Variants in SYNE1 observed in about 807,000 individuals in gnomAD.
SYNE1 encodes nesprin-1.
SYNE1 carries 616 observed loss-of-function variants against 1,111.0 expected under a neutral mutation model. That is an observed-to-expected ratio of 0.55 (90% CI 0.52 to 0.59). The LOEUF is 0.59. Among genes scored for constraint, SYNE1 ranks in the 20% least tolerant of loss-of-function variants. The probability of loss-of-function intolerance (pLI) is 0.00; values close to 1 mark genes in which losing one functional copy is unlikely to be tolerated. For missense variants in SYNE1, 10,006 were observed against 10,417.0 expected, an observed-to-expected ratio of 0.96 and a Z score of 1.72; for synonymous variants, 3,855 against 3,825.8, an observed-to-expected ratio of 1.01 and a Z score of -0.28.
intron 6 of SYNE1, among the ~76,000 whole-genome samples, chr6:152,518,198 G>A (rs1000409004): frequency 2.7e-5 from 4 of 149,816 alleles, no homozygotes; most frequent in African/African-American, 9.9e-5. Context: ...TTCTCACAGG[G>A]GCATGGGTTA....
chr6:152,613,965 C>T (rs1190776026), intron 3 of SYNE1, among the ~76,000 whole-genome samples: 2 of 152,196 alleles, frequency 1.3e-5, no homozygotes, highest in African/African-American at 4.8e-5. Context: ...CCCCTCCTTA[C>T]ACCTTATACA....
intron 8 of SYNE1, among the ~76,000 whole-genome samples, chr6:152,509,554 G>A (rs1594291374): frequency 3.3e-5 from 5 of 152,124 alleles, no homozygotes; most frequent in Admixed American, 3.3e-4. Context: ...ACTGCGTCTG[G>A]CTGAGAGCAG....
In SYNE1 at chr6:152,233,801, C is replaced by T. The variant is rs769943110; in HGVS notation, c.20692G>A (p.Val6898Ile). 72 of 1,614,166 alleles carry T rather than the reference C, an allele frequency of 4.5e-5. No individual in the cohort carries two copies. Among genetic ancestry groups the T allele is most frequent in the African/African-American group, 9.3e-5 (7 of 75,044 alleles). Residue 6898 changes from valine to isoleucine, a missense_variant, in exon 112 of 146, where the codon GTC (valine) becomes ATC (isoleucine). This residue lies in a region of SYNE1 where 2,182 missense variants were observed against 2,287.8 expected (regional missense o/e 0.95). Coordinates refer to ENST00000367255, the MANE Select transcript of SYNE1 (RefSeq NM_182961.4). ...TGTACCTGGTGGAGCTTCTCCTGGA[C>T]GGCTGGGATATTGGTTAGCAGGTCA... ...WTDLLTNIPAVQEKLHQLQMD... is the reference protein window; with the variant it reads ...WTDLLTNIPAIQEKLHQLQMD...
intron 104 of SYNE1, among the ~76,000 whole-genome samples, chr6:152,251,499 C>T (rs2089235302): frequency 6.6e-6 from 1 of 152,014 alleles, no homozygotes; most frequent in African/African-American, 2.4e-5. Flanking sequence ...TGGCTCACGC[C>T]TGTAATCCCA....
At chr6:152,596,362 G>A (rs963169446) in intron 3 of SYNE1, among the ~76,000 whole-genome samples, 3 of 149,218 alleles carry the variant, frequency 2.0e-5, no homozygotes, top group African/African-American at 7.5e-5. Flanking sequence ...TTCAAGAGAT[G>A]CTCATGCCTG....
In SYNE1 at chr6:152,450,832, A is replaced by C; in HGVS notation, c.3188T>G (p.Val1063Gly). ...ATGAGGACCTTTGTCACTGAAGAAA[A>C]CCTAATGTGTAATAAATGTTTTTAT... ...GSEKIIKEHR[V>G]FFSDKGPHHL... Residue 1063 changes from valine (V) to glycine (G), a missense_variant and splice_region_variant, in exon 27 of 146, where the codon GTT becomes GGT. Physicochemically the swap from Val to Gly is moderately radical, Grantham distance 109. Coordinates refer to ENST00000367255, the MANE Select transcript of SYNE1 (RefSeq NM_182961.4). The C allele has an allele frequency of 5.0e-6, 8 of 1,613,836 alleles. No individual in the cohort carries two copies. Among genetic ancestry groups the C allele is most frequent in the Non-Finnish European group, 5.9e-6 (7 of 1,179,902 alleles).
At chr6:152,253,312 C>T (rs1045037086) in intron 104 of SYNE1, among the ~76,000 whole-genome samples, 4 of 152,118 alleles carry the variant, frequency 2.6e-5, no homozygotes, top group Non-Finnish European at 4.4e-5. Context: ...GGTTTTAGAT[C>T]CTGTATCTCT....
At chr6:152,465,539 T>C (rs150322999) in intron 17 of SYNE1, 79 bp from the exon 18 acceptor site, 3 of 1,315,708 alleles carry the variant, frequency 2.3e-6, no homozygotes, top group East Asian at 5.0e-5. Context: ...GTCTTATACA[T>C]TGGTGTGCAA....
At chr6:152,224,727 C>G (rs2081051002) in intron 116 of SYNE1, 63 bp from the exon 117 acceptor site, 1 of 1,508,646 alleles carries the variant, frequency 6.6e-7, no homozygotes, top group South Asian at 1.1e-5. Flanking sequence ...AATATATATT[C>G]AATTGATGGG....
At chr6:152,311,688 C>A (rs9371582) in intron 87 of SYNE1, among the ~76,000 whole-genome samples, 2 of 151,886 alleles carry the variant, frequency 1.3e-5, no homozygotes, top group Admixed American at 6.6e-5. Context: ...TACAAAGATG[C>A]GTGAATCTAG....
chr6:152,631,349 C>T (rs1329149022), intron 2 of SYNE1, among the ~76,000 whole-genome samples: 1 of 152,122 alleles, frequency 6.6e-6, no homozygotes, highest in East Asian at 1.9e-4. Context: ...CAGTCAGACA[C>T]TGAGAAACTC....
At chr6:152,164,895 C>T (rs911932176) in intron 130 of SYNE1, among the ~76,000 whole-genome samples, 10 of 152,192 alleles carry the variant, frequency 6.6e-5, no homozygotes, top group African/African-American at 2.2e-4. Flanking sequence ...CAAAATACTT[C>T]AAGCTGCTAG....
chr6:152,206,412 C>T, intron 125 of SYNE1, 50 bp from the exon 126 acceptor site: 2 of 1,604,362 alleles, frequency 1.2e-6, no homozygotes, highest in Non-Finnish European at 1.7e-6. Flanking sequence ...TTCATCGTTT[C>T]CTTCCCATAA....
chr6:152,433,953 T>A lies in SYNE1; in HGVS notation c.4311-8A>T, dbSNP rs769668810. On this transcript the variant is annotated splice_polypyrimidine_tract_variant and splice_region_variant and intron_variant, in intron 33 of 145. Coordinates refer to ENST00000367255, the MANE Select transcript of SYNE1 (RefSeq NM_182961.4). ...ATTTCCATGGTTTTAATACTAAAAT[T>A]AACCAAATTAAGTAAATAAAACTCA... is the stretch of plus-strand genomic sequence containing the variant. 1 of 1,607,630 alleles carries A rather than the reference T, an allele frequency of 6.2e-7. No homozygotes were observed. The highest frequency in any genetic ancestry group is 1.7e-5 in the Admixed American group (1 of 59,576).
chr6:152,203,382 C>T (rs890036911), intron 126 of SYNE1, among the ~76,000 whole-genome samples: 1 of 152,164 alleles, frequency 6.6e-6, no homozygotes, highest in Admixed American at 6.5e-5. Context: ...AAACAAGTCT[C>T]CTTCATGTTG....
intron 137 of SYNE1, chr6:152,145,448 G>A: frequency 6.3e-7 from 1 of 1,585,834 alleles, no homozygotes. Context: ...TTGCTATACA[G>A]GGGAGGGAGG....
At chr6:152,211,423 A>G (rs1353602514) in intron 124 of SYNE1, 71 bp downstream of exon 124, 1 of 1,323,102 alleles carries the variant, frequency 7.6e-7, no homozygotes. Context: ...ATGCCCTCCA[A>G]TCTGCTCATT....
chr6:152,249,200 C>T lies in SYNE1; in HGVS notation c.19533G>A (p.Leu6511=), dbSNP rs1267526929. 4 of 1,613,926 alleles carry T rather than the reference C, an allele frequency of 2.5e-6. No homozygotes were observed. In the South Asian group the frequency reaches 4.4e-5, roughly 18 times the overall value. ...CTACGGGCTGTTCAAACACATTTGCCAGTTTTTGCAGAATGATGTATTTGT... is the reference window on the plus strand; with the variant it reads ...CTACGGGCTGTTCAAACACATTTGCTAGTTTTTGCAGAATGATGTATTTGT... The part of the protein sequence containing the change: ...ADNKYIILQK[L]ANVFEQPVAE... Residue 6511 remains leucine (L), a synonymous_variant, in exon 105 of 146, where the codon CTG becomes CTA. Transcript: ENST00000367255.
chr6:152,363,268 G>A (rs1262859584), intron 63 of SYNE1, among the ~76,000 whole-genome samples: 2 of 148,548 alleles, frequency 1.3e-5, no homozygotes, highest in Non-Finnish European at 3.0e-5. Context: ...GCCAAGGCGG[G>A]TGGATCACGA....
Sources: allele counts gnomAD v4.1 joint callset (sites outside exome capture counted in the v4.1 genomes callset), GRCh38; gene constraint gnomAD v4.1.1; regional missense constraint gnomAD v4.1.1; transcripts MANE v1.5; gene names NCBI Gene and HGNC (gene_info 2026-07-23, HGNC 2026-07-21).